Variants in ATP9B observed in about 807,000 individuals in gnomAD.
The protein encoded by ATP9B is probable phospholipid-transporting ATPase IIB.
Under a neutral mutation model 146.1 loss-of-function variants are expected in ATP9B, and 110 were observed. The ratio of observed to expected loss-of-function variants is 0.75; its 90% CI spans 0.65 to 0.88. The LOEUF is 0.88. Among genes scored for constraint, ATP9B ranks in the 40% least tolerant of loss-of-function variants. ATP9B has a pLI of 0.00. For synonymous variants in ATP9B, 604 were observed against 569.7 expected, an observed-to-expected ratio of 1.06 and a Z score of -0.86; for missense variants, 1,499 against 1,496.4, an observed-to-expected ratio of 1.00 and a Z score of -0.03.
At chr18:79,136,253 C>G (rs775052457) in intron 5 of ATP9B, among the ~76,000 whole-genome samples, 11 of 152,186 alleles carry the variant, frequency 7.2e-5, no homozygotes, top group Non-Finnish European at 2.9e-5. Flanking sequence ...ATCCATTTGG[C>G]AGAGAACTGA....
At chr18:79,255,140 G>A (rs1446259540) in intron 12 of ATP9B, 5 of 152,112 alleles carry the variant, frequency 3.3e-5, no homozygotes, top group African/African-American at 4.8e-5. Flanking sequence ...CAGAGGACCC[G>A]AGCGCAGATT....
chr18:79,327,084 G>A (rs544962196), intron 15 of ATP9B, among the ~76,000 whole-genome samples: 1 of 152,354 alleles, frequency 6.6e-6, no homozygotes, highest in South Asian at 2.1e-4. Flanking sequence ...CTCTAAGAGT[G>A]TGAACTCATC....
chr18:79,249,387 G>A (rs2096000987), intron 11 of ATP9B, among the ~76,000 whole-genome samples: 1 of 152,070 alleles, frequency 6.6e-6, no homozygotes, highest in African/African-American at 2.4e-5. Flanking sequence ...TTTTGTTATT[G>A]CAGTTGTTTC....
rs570569729 is a variant in ATP9B, at chr18:79,298,398, T to A, written c.1412-5206T>A. Among the ~76,000 whole-genome samples the A allele has an allele frequency of 2.3e-4, 33 of 146,410 alleles. 3 individuals carry two copies. In the South Asian group the frequency reaches 6.7e-3, roughly 30 times the overall value. On this transcript the variant is annotated intron_variant, in intron 13 of 29. Coordinates refer to ENST00000426216, the MANE Select transcript of ATP9B (RefSeq NM_198531.5). ...AAAGCGCGGTACTTAGCCGTGAATCTAATATAAAATGAGTGGGCCTTGTGG... is the reference window on the plus strand; with the variant it reads ...AAAGCGCGGTACTTAGCCGTGAATCAAATATAAAATGAGTGGGCCTTGTGG...
At chr18:79,152,233 A>G (rs2147595826) in intron 6 of ATP9B, among the ~76,000 whole-genome samples, 1 of 152,342 alleles carries the variant, frequency 6.6e-6, no homozygotes, top group South Asian at 2.1e-4. Flanking sequence ...GTGGGAGTGT[A>G]AATTAGTAGA....
intron 15 of ATP9B, among the ~76,000 whole-genome samples, chr18:79,325,716 A>G (rs1360340817): frequency 1.3e-5 from 2 of 151,918 alleles, no homozygotes; most frequent in Non-Finnish European, 2.9e-5. Context: ...GGTGCCTGTC[A>G]CCTCCACGCA....
chr18:79,217,054 C>T (rs745662611), intron 11 of ATP9B, among the ~76,000 whole-genome samples: 10 of 152,254 alleles, frequency 6.6e-5, no homozygotes, highest in East Asian at 3.8e-4. Flanking sequence ...GAGAAGAGTG[C>T]GTTCCCGACT....
chr18:79,339,357 CTA>C (rs547631422), intron 19 of ATP9B, among the ~76,000 whole-genome samples: 54 of 126,468 alleles, frequency 4.3e-4, no homozygotes, highest in African/African-American at 1.3e-3. Context: ...TGTCATGAGA[CTA>C]TCATATCTGT....
At chr18:79,275,618 C>A (rs1156969197) in intron 12 of ATP9B, among the ~76,000 whole-genome samples, 1 of 152,244 alleles carries the variant, frequency 6.6e-6, no homozygotes, top group African/African-American at 2.4e-5. Flanking sequence ...GCACTGGAGG[C>A]ATACAGGTGG....
At chr18:79,111,921 A>G (rs943447442) in intron 3 of ATP9B, among the ~76,000 whole-genome samples, 2 of 152,226 alleles carry the variant, frequency 1.3e-5, no homozygotes, top group African/African-American at 4.8e-5. Flanking sequence ...TTTACCACGA[A>G]TGGCAATTTC....
At chr18:79,336,041 CCA>C (rs1568732419) in intron 17 of ATP9B, among the ~76,000 whole-genome samples, 29 of 143,350 alleles carry the variant, frequency 2.0e-4, no homozygotes, top group Middle Eastern at 3.8e-3. Flanking sequence ...TGTGCACCCT[CCA>C]TGCCCTCCCT....
intron 1 of ATP9B, among the ~76,000 whole-genome samples, chr18:79,069,793 C>T (rs151246692): frequency 1.1e-3 from 163 of 152,360 alleles, no homozygotes; most frequent in African/African-American, 3.7e-3. Flanking sequence ...AGCAGAGAAC[C>T]GCGGTCCAGT....
chr18:79,117,677 T>C (rs1361136696), intron 4 of ATP9B: 1 of 152,194 alleles, frequency 6.6e-6, no homozygotes. Context: ...AGCCGTATGT[T>C]TGTGTATATA....
intron 26 of ATP9B, among the ~76,000 whole-genome samples, chr18:79,365,534 C>G (rs2097021414): frequency 1.3e-5 from 2 of 152,262 alleles, no homozygotes; most frequent in Admixed American, 6.5e-5. Context: ...AACTTAGATT[C>G]ATACTAAATC....
intron 15 of ATP9B, among the ~76,000 whole-genome samples, chr18:79,320,080 G>T (rs2096706852): frequency 6.6e-6 from 1 of 152,198 alleles, no homozygotes; most frequent in Admixed American, 6.5e-5. Context: ...CCCATTTATG[G>T]TTTTGCCTGT....
chr18:79,209,513 G>C (rs535165596), intron 10 of ATP9B: 2 of 217,792 alleles, frequency 9.2e-6, no homozygotes, highest in Non-Finnish European at 1.6e-5. Context: ...CATCCCATAC[G>C]GTTCCCTGAA....
chr18:79,202,801 G>T (rs1425875322), intron 9 of ATP9B, among the ~76,000 whole-genome samples: 1 of 152,186 alleles, frequency 6.6e-6, no homozygotes, highest in Non-Finnish European at 1.5e-5. Flanking sequence ...ATAAAATTGT[G>T]TTAGAGACAG....
chr18:79,130,293 C>G (rs2094355680), intron 5 of ATP9B, among the ~76,000 whole-genome samples: 1 of 152,044 alleles, frequency 6.6e-6, no homozygotes, highest in African/African-American at 2.4e-5. Flanking sequence ...AATTCTGGCA[C>G]TGAAAAGTAT....
chr18:79,337,495 C>A (rs1568740352), intron 19 of ATP9B, 46 bp downstream of exon 19: 3 of 1,582,220 alleles, frequency 1.9e-6, no homozygotes, highest in Non-Finnish European at 2.6e-6. Flanking sequence ...TTTGCTGAAG[C>A]AAACAGTGCT....
Sources: gnomAD v4.1 joint callset for allele counts (sites outside exome capture counted in the v4.1 genomes callset) on GRCh38, gnomAD v4.1.1 for gene constraint, MANE v1.5 for transcripts, NCBI Gene and HGNC (gene_info 2026-07-23, HGNC 2026-07-21) for gene names.